CALCR: variants seen among roughly 807,000 people sequenced by gnomAD.
CALCR encodes the protein calcitonin receptor.
A neutral mutation model predicts 59.5 loss-of-function variants in CALCR; 47 were observed. The ratio of observed to expected loss-of-function variants is 0.79; its 90% CI spans 0.63 to 1.01. CALCR has a LOEUF of 1.01. CALCR is among the 50% of genes least tolerant of loss of function. The pLI is 0.00. For synonymous variants in CALCR, 213 were observed against 211.3 expected, an observed-to-expected ratio of 1.01 and a Z score of -0.07; for missense variants, 566 against 597.1, an observed-to-expected ratio of 0.95 and a Z score of 0.54.
At chr7:93,473,579 G>GTTTCCTCT (rs1800601034) in intron 5 of CALCR, among the ~76,000 whole-genome samples, 1 of 138,786 alleles carries the variant, frequency 7.2e-6, no homozygotes, top group Non-Finnish European at 1.5e-5. Flanking sequence ...ACACTGGTTT[G>GTTTCCTCT]GCCCCCCCCC....
intron 9 of CALCR, 70 bp downstream of exon 9, chr7:93,443,534 C>A: frequency 7.0e-7 from 1 of 1,425,002 alleles, no homozygotes; most frequent in Admixed American, 1.9e-5. Flanking sequence ...GAGACCAAGA[C>A]TAGAAGAAGA....
intron 2 of CALCR, among the ~76,000 whole-genome samples, chr7:93,500,978 T>C (rs568911285): frequency 6.6e-6 from 1 of 152,152 alleles, no homozygotes; most frequent in African/African-American, 2.4e-5. Context: ...GAAATTTGAG[T>C]GCCCTTGGAA....
chr7:93,547,259 T>C (rs551390877), intron 2 of CALCR, among the ~76,000 whole-genome samples: 76 of 152,332 alleles, frequency 5.0e-4, no homozygotes, highest in African/African-American at 1.8e-3. Context: ...GTCCCCTTTA[T>C]AGTTTATGTT....
At chr7:93,501,604 T>C (rs946037678) in intron 2 of CALCR, among the ~76,000 whole-genome samples, 3 of 152,086 alleles carry the variant, frequency 2.0e-5, no homozygotes, top group Admixed American at 6.6e-5. Context: ...CTTAGATCCA[T>C]AGGTAATCCG....
chr7:93,561,562 C>A (rs183784391), intron 2 of CALCR, among the ~76,000 whole-genome samples: 1 of 152,072 alleles, frequency 6.6e-6, no homozygotes, highest in Non-Finnish European at 1.5e-5. Context: ...AAAATACTAT[C>A]ATCAACTATC....
At chr7:93,499,798 G>A (rs556002831) in intron 2 of CALCR, among the ~76,000 whole-genome samples, 2 of 151,726 alleles carry the variant, frequency 1.3e-5, no homozygotes, top group Non-Finnish European at 2.9e-5. Context: ...TAAATTGGTT[G>A]CCATAAGTTA....
chr7:93,511,740 T>A (rs1006327430), intron 2 of CALCR, among the ~76,000 whole-genome samples: 2 of 152,180 alleles, frequency 1.3e-5, no homozygotes, highest in African/African-American at 4.8e-5. Flanking sequence ...CTGTAGTGAA[T>A]GATGGCCATT....
At chr7:93,516,905 A>C (rs913720192) in intron 2 of CALCR, among the ~76,000 whole-genome samples, 2 of 151,884 alleles carry the variant, frequency 1.3e-5, no homozygotes, top group African/African-American at 4.8e-5. Context: ...CAGAGCTGTA[A>C]ATTTACAGTG....
chr7:93,498,622 C>T (rs182916067), intron 2 of CALCR, among the ~76,000 whole-genome samples: 6 of 151,536 alleles, frequency 4.0e-5, no homozygotes, highest in East Asian at 2.0e-4. Flanking sequence ...AGCCAAACTT[C>T]GATATGTGAG....
intron 2 of CALCR, among the ~76,000 whole-genome samples, chr7:93,511,997 G>T (rs369252917): frequency 1.3e-5 from 2 of 152,018 alleles, no homozygotes; most frequent in Non-Finnish European, 2.9e-5. Flanking sequence ...CCATAAATCC[G>T]CCCAGTTTTA....
intron 2 of CALCR, among the ~76,000 whole-genome samples, chr7:93,533,674 C>T (rs754016805): frequency 1.3e-5 from 2 of 151,798 alleles, no homozygotes; most frequent in Non-Finnish European, 2.9e-5. Flanking sequence ...CTCTGAAAGG[C>T]TGGATTTACT....
chr7:93,514,330 T>C (rs1258198957), intron 2 of CALCR, among the ~76,000 whole-genome samples: 1 of 152,100 alleles, frequency 6.6e-6, no homozygotes, highest in Non-Finnish European at 1.5e-5. Flanking sequence ...GTTGGCCACA[T>C]ATTTAGAGTC....
chr7:93,556,082 G>C (rs558736890), intron 2 of CALCR, among the ~76,000 whole-genome samples: 47 of 152,268 alleles, frequency 3.1e-4, no homozygotes, highest in South Asian at 1.7e-3. Context: ...AATTATTTCT[G>C]AATCCATTGA....
intron 2 of CALCR, among the ~76,000 whole-genome samples, chr7:93,535,803 C>T (rs547309669): frequency 3.0e-4 from 45 of 151,860 alleles, no homozygotes; most frequent in African/African-American, 1.0e-3. Flanking sequence ...TCTGTGACCA[C>T]ATTATGAAGT....
chr7:93,515,905 G>T (rs1801640654), intron 2 of CALCR, among the ~76,000 whole-genome samples: 1 of 151,814 alleles, frequency 6.6e-6, no homozygotes, highest in African/African-American at 2.4e-5. Context: ...CCACAAGACT[G>T]ATATATTGTA....
At chr7:93,520,862 G>T (rs371799067) in intron 2 of CALCR, among the ~76,000 whole-genome samples, 2 of 152,208 alleles carry the variant, frequency 1.3e-5, no homozygotes, top group African/African-American at 4.8e-5. Context: ...ATTTTGGTGA[G>T]ATTTTTAGAT....
intron 2 of CALCR, among the ~76,000 whole-genome samples, chr7:93,566,823 G>C (rs1241489558): frequency 1.3e-5 from 2 of 152,058 alleles, no homozygotes; most frequent in Non-Finnish European, 2.9e-5. Context: ...AGTTATACCT[G>C]GGAAATCTAG....
intron 2 of CALCR, among the ~76,000 whole-genome samples, chr7:93,533,379 T>C (rs12704676): frequency 0.089 from 13,453 of 151,976 alleles, 673 homozygotes; most frequent in African/African-American, 0.11. Flanking sequence ...AATCATCCAG[T>C]ATGATTTTAT....
chr7:93,467,449 AGTACTT>A (rs1196705651), intron 7 of CALCR, among the ~76,000 whole-genome samples: 1 of 151,742 alleles, frequency 6.6e-6, no homozygotes. Flanking sequence ...GGAAAAAAAT[AGTACTT>A]GTACTAAGGA....
Sources: allele counts gnomAD v4.1 joint callset (sites outside exome capture counted in the v4.1 genomes callset), GRCh38; gene constraint gnomAD v4.1.1; transcripts MANE v1.5; gene names NCBI Gene and HGNC (gene_info 2026-07-23, HGNC 2026-07-21).